Variants in FGF14 observed in about 807,000 individuals in gnomAD.
The protein encoded by FGF14 is fibroblast growth factor 14, also known as fibroblast growth factor homologous factor 4.
Under a neutral mutation model 25.5 loss-of-function variants are expected in FGF14, and 5 were observed. The observed-to-expected ratio is 0.20, with a 90% confidence interval of 0.10 to 0.41. FGF14 has a LOEUF of 0.41. Among genes scored for constraint, FGF14 ranks in the 10% least tolerant of loss-of-function variants. The pLI is 1.00. For synonymous variants in FGF14, 138 were observed against 118.3 expected (o/e 1.17, Z -1.08); for missense variants, 222 against 320.1 (o/e 0.69, Z 2.34).
upstream of FGF14, among the ~76,000 whole-genome samples, chr13:101,919,920 A>T (rs1594732024): frequency 6.6e-6 from 1 of 152,214 alleles, no homozygotes; most frequent in East Asian, 1.9e-4. Flanking sequence ...CCGGGCATCT[A>T]TTCTGGCTGT....
At position 102,400,357 on chromosome 13, in the gene FGF14, G is replaced by C. The variant is rs1178702925; in HGVS notation, c.208+1114C>G. 6.6e-6 allele frequency among the ~76,000 whole-genome samples: 1 copy of C among 152,176 alleles called. No homozygotes were observed. Among genetic ancestry groups the C allele is most frequent in the Non-Finnish European group, 1.5e-5 (1 of 68,030 alleles). ...GCTCCCTCCTTCAGACACAACCCCA[G>C]ACAAAAACAGCCGGCCCCGGGTCCC... On this transcript the variant is annotated intron_variant, in intron 1 of 4. Transcript: ENST00000376131. This position sits in a 1 kb window ranked among gnomAD's most constrained non-coding sequence, Gnocchi z 4.3.
At chr13:101,973,595 G>A (rs1168542910) in intron 1 of FGF14, among the ~76,000 whole-genome samples, 1 of 152,206 alleles carries the variant, frequency 6.6e-6, no homozygotes, top group Non-Finnish European at 1.5e-5. Flanking sequence ...GAAGAAATTA[G>A]AGTCCAATGT....
intron 3 of FGF14, among the ~76,000 whole-genome samples, chr13:101,747,349 T>C (rs952599870): frequency 6.6e-6 from 1 of 152,028 alleles, no homozygotes; most frequent in Admixed American, 6.6e-5. Context: ...GAAAAAGATA[T>C]AATTTCCTGC....
intron 1 of FGF14, among the ~76,000 whole-genome samples, chr13:102,011,863 A>G (rs1198827899): frequency 6.6e-6 from 1 of 152,250 alleles, no homozygotes; most frequent in African/African-American, 2.4e-5. Context: ...TTTTCCCAGC[A>G]TCTGAATTAA....
chr13:101,940,200 A>G (rs16959479), intron 1 of FGF14, among the ~76,000 whole-genome samples: 20,159 of 152,254 alleles, frequency 0.13, 1,496 homozygotes, highest in East Asian at 0.2. Flanking sequence ...ACACTGAAAT[A>G]GGCAGGCTGT....
intron 1 of FGF14, among the ~76,000 whole-genome samples, chr13:102,257,226 A>G (rs2052484307): frequency 2.0e-5 from 3 of 151,456 alleles, no homozygotes; most frequent in African/African-American, 7.3e-5. Flanking sequence ...ATAGAAATGC[A>G]TTACCTCCAA....
intron 1 of FGF14, among the ~76,000 whole-genome samples, chr13:101,993,984 G>A (rs2039047290): frequency 6.6e-6 from 1 of 151,850 alleles, no homozygotes; most frequent in Non-Finnish European, 1.5e-5. Flanking sequence ...ATATAGGTTG[G>A]CTATTAGATG....
chr13:101,723,912 G>A (rs905068728), intron 4 of FGF14, among the ~76,000 whole-genome samples: 2 of 151,998 alleles, frequency 1.3e-5, no homozygotes, highest in African/African-American at 4.8e-5. Context: ...GAAAGTTTAA[G>A]GTATTTTACG....
At chr13:102,190,357 C>G (rs1339660209) in intron 1 of FGF14, among the ~76,000 whole-genome samples, 2 of 152,166 alleles carry the variant, frequency 1.3e-5, no homozygotes, top group Non-Finnish European at 2.9e-5. Flanking sequence ...CAGTCTGAGG[C>G]AATTTTGTCC....
In FGF14 at chr13:101,891,369, C is replaced by T. The variant is rs915077057; in HGVS notation, c.194-16073G>A. ...TTTGCTCTCAGCGTTCAGATAGTGC[C>T]ATCCCAGAATACTTTATAGCCACCA... On this transcript the variant is annotated intron_variant, in intron 1 of 4. Transcript: ENST00000376143. 3.9e-5 allele frequency among the ~76,000 whole-genome samples: 6 copies of T among 152,122 alleles called. No homozygotes were observed. The South Asian group carries it at 1.2e-3, about 32-fold the overall frequency.
chr13:102,173,893 C>A (rs556836442), intron 1 of FGF14, among the ~76,000 whole-genome samples: 2 of 152,030 alleles, frequency 1.3e-5, no homozygotes, highest in African/African-American at 2.4e-5. Flanking sequence ...GAAAAGGATG[C>A]TCACTCTCAC....
Position 101,994,550 on chromosome 13 carries a change from G to A in FGF14, c.209-119254C>T, listed in dbSNP as rs181366792. 9.2e-5 allele frequency among the ~76,000 whole-genome samples: 14 copies of A among 151,970 alleles called. No individual in the cohort carries two copies. In the East Asian group the frequency reaches 2.3e-3, roughly 25 times the overall value. On this transcript the variant is annotated intron_variant, in intron 1 of 4. Coordinates refer to the FGF14 transcript ENST00000376131. Reference sequence around the variant, plus strand: ...ATTTTCAGAGTGCCGTTGTAAGTTGGTTTTGTCATCGAGACTACCAAATCA... The same window carrying A: ...ATTTTCAGAGTGCCGTTGTAAGTTGATTTTGTCATCGAGACTACCAAATCA...
At chr13:102,268,823 T>C (rs2053116806) in intron 1 of FGF14, among the ~76,000 whole-genome samples, 1 of 152,180 alleles carries the variant, frequency 6.6e-6, no homozygotes, top group South Asian at 2.1e-4. Context: ...AATATTTCCA[T>C]CAAAAGACTG....
At chr13:101,730,686 G>C (rs2035747556) in intron 3 of FGF14, among the ~76,000 whole-genome samples, 3 of 152,148 alleles carry the variant, frequency 2.0e-5, no homozygotes, top group Admixed American at 2.0e-4. Flanking sequence ...ACTACTTAAA[G>C]TCCAGTAGGT....
chr13:101,973,239 T>A (rs1275163901), intron 1 of FGF14, among the ~76,000 whole-genome samples: 1 of 152,000 alleles, frequency 6.6e-6, no homozygotes, highest in Non-Finnish European at 1.5e-5. Context: ...AAAAAAGTTA[T>A]CCCCTTCCTC....
chr13:102,392,019 A>T (rs1039941612), intron 1 of FGF14, among the ~76,000 whole-genome samples: 1 of 152,238 alleles, frequency 6.6e-6, no homozygotes, highest in Non-Finnish European at 1.5e-5. Flanking sequence ...TTAAAGTACA[A>T]TATTATACCA....
chr13:101,765,522 C>A (rs1036080625), intron 3 of FGF14, among the ~76,000 whole-genome samples: 7 of 152,154 alleles, frequency 4.6e-5, no homozygotes, highest in Non-Finnish European at 8.8e-5. Context: ...AGCAGGTGAA[C>A]TGATTGCTTA....
intron 1 of FGF14, among the ~76,000 whole-genome samples, chr13:102,099,374 G>A (rs1228022348): frequency 2.0e-5 from 3 of 152,170 alleles, no homozygotes; most frequent in Admixed American, 2.0e-4. Flanking sequence ...TTCTTTAAAC[G>A]TCTCTCTGCA....
At chr13:102,249,927 T>C (rs886437175) in intron 1 of FGF14, among the ~76,000 whole-genome samples, 2 of 152,126 alleles carry the variant, frequency 1.3e-5, no homozygotes, top group African/African-American at 4.8e-5. Flanking sequence ...GGAGAAGGAC[T>C]GGCTATGCTC....
Sources: allele counts gnomAD v4.1 joint callset (sites outside exome capture counted in the v4.1 genomes callset), GRCh38; gene constraint gnomAD v4.1.1; non-coding constraint Gnocchi (gnomAD v3.1); transcripts MANE v1.5; gene names NCBI Gene and HGNC (gene_info 2026-07-23, HGNC 2026-07-21).